Variants in KLRD1 observed in about 807,000 individuals in gnomAD.
KLRD1 encodes killer cell lectin like receptor D1.
KLRD1 carries 21 observed loss-of-function variants against 22.6 expected under a neutral mutation model. That is an observed-to-expected ratio of 0.93 (90% CI 0.66 to 1.34). KLRD1 has a LOEUF of 1.34. Ranked by LOEUF, KLRD1 falls within the 40% of genes most tolerant of loss-of-function variation. KLRD1 has a pLI of 0.00. For synonymous variants in KLRD1, 59 were observed against 71.1 expected (o/e 0.83, Z 0.85); for missense variants, 183 against 208.6 (o/e 0.88, Z 0.76).
intron 1 of KLRD1, among the ~76,000 whole-genome samples, chr12:10,281,991 G>C (rs1949648591): frequency 6.6e-6 from 1 of 152,096 alleles, no homozygotes; most frequent in Non-Finnish European, 1.5e-5. Context: ...TACAAATGTA[G>C]CCTTCTAATC....
chr12:10,272,328 C>T (rs1949558246), intron 1 of KLRD1, among the ~76,000 whole-genome samples: 1 of 152,108 alleles, frequency 6.6e-6, no homozygotes, highest in Admixed American at 6.5e-5. Flanking sequence ...TAATATTAAA[C>T]CTAGTGCAAC....
chr12:10,299,647 A>G (rs1949850863), upstream of KLRD1, among the ~76,000 whole-genome samples: 1 of 152,098 alleles, frequency 6.6e-6, no homozygotes, highest in Non-Finnish European at 1.5e-5. Flanking sequence ...CTTAATGTTG[A>G]TGGCTGTTGA....
rs1039696881 is a variant in KLRD1, at chr12:10,315,558, G to A, written c.*765G>A. The A allele has an allele frequency of 6.5e-6, 1 of 154,374 alleles. No homozygotes were observed. Among genetic ancestry groups the A allele is most frequent in the African/African-American group, 2.4e-5 (1 of 41,394 alleles). 9.6% of individuals were successfully genotyped at this position (154,374 alleles called of 1,614,324 possible). A position where few individuals can be genotyped will look rare whatever the true frequency, so the allele number is the denominator to read the frequency against. On this transcript the variant is annotated 3_prime_UTR_variant, in exon 6 of 6. Coordinates refer to ENST00000336164, the MANE Select transcript of KLRD1 (RefSeq NM_002262.5). ...AGAGAGCTTATGCATTGCACTTTCT[G>A]GAGATTTGTAATGTTTTGGTTTTGT...
chr12:10,272,406 A>G (rs926252714), intron 1 of KLRD1, among the ~76,000 whole-genome samples: 53 of 152,286 alleles, frequency 3.5e-4, no homozygotes, highest in African/African-American at 1.3e-3. Context: ...AAAATCCTGA[A>G]CTCATTTATA....
rs1451973310 is a variant in KLRD1 at position 10,313,615 on chromosome 12, T to C, written c.419+102T>C. 3.3e-5 allele frequency: 20 copies of C among 597,836 alleles called. No individual in the cohort carries two copies. The Admixed American group carries it at 5.1e-4, about 15-fold the overall frequency. 37.0% of individuals were successfully genotyped at this position (597,836 alleles called of 1,614,324 possible). A position where few individuals can be genotyped will look rare whatever the true frequency, so the allele number is the denominator to read the frequency against. On this transcript the variant is annotated intron_variant, in intron 5 of 5. Coordinates refer to ENST00000336164, the MANE Select transcript of KLRD1 (RefSeq NM_002262.5). The stretch of plus-strand genomic sequence containing the variant: ...AGGAGCACTGTGGCTGAAATAACCT[T>C]GTCTAGGGCATGAGAATACAGTAAA...
intron 1 of KLRD1, among the ~76,000 whole-genome samples, chr12:10,280,413 C>T (rs1457772553): frequency 6.6e-6 from 1 of 152,156 alleles, no homozygotes. Context: ...GGAAAATATA[C>T]AGCAGAATAC....
intron 1 of KLRD1, among the ~76,000 whole-genome samples, chr12:10,292,430 C>T (rs1240987117): frequency 6.6e-6 from 1 of 152,120 alleles, no homozygotes; most frequent in Non-Finnish European, 1.5e-5. Context: ...CACGGACTGC[C>T]GAATGGATAT....
intron 1 of KLRD1, among the ~76,000 whole-genome samples, chr12:10,256,507 T>C (rs1341665637): frequency 1.3e-5 from 2 of 151,054 alleles, no homozygotes; most frequent in African/African-American, 4.9e-5. Context: ...TGTGTTAACT[T>C]AAAGATTATT....
At chr12:10,260,112 T>C (rs1308304697) in intron 1 of KLRD1, among the ~76,000 whole-genome samples, 1 of 16,328 alleles carries the variant, frequency 6.1e-5, no homozygotes, top group African/African-American at 6.7e-5. Context: ...CATTCCCATC[T>C]GTATAACTAA....
intron 1 of KLRD1, among the ~76,000 whole-genome samples, chr12:10,241,210 T>C (rs958316721): frequency 1.3e-5 from 2 of 152,206 alleles, no homozygotes; most frequent in African/African-American, 4.8e-5. Context: ...ATTCATTTAT[T>C]GGCTGAAGTA....
intron 1 of KLRD1, among the ~76,000 whole-genome samples, chr12:10,289,841 C>T (rs1237432019): frequency 6.6e-6 from 1 of 152,098 alleles, no homozygotes; most frequent in Non-Finnish European, 1.5e-5. Flanking sequence ...TGCAGTGGTG[C>T]AGTCTTGGCT....
At position 10,308,102 on chromosome 12, in the gene KLRD1, C is replaced by T. The variant is rs1225885725; in HGVS notation, c.7+18C>T. The T allele has an allele frequency of 1.2e-6, 2 of 1,608,954 alleles. No individual in the cohort carries two copies. Among genetic ancestry groups the T allele is most frequent in the Middle Eastern group, 1.6e-4 (1 of 6,068 alleles). On this transcript the variant is annotated intron_variant, in intron 1 of 5. Coordinates refer to ENST00000336164, the MANE Select transcript of KLRD1 (RefSeq NM_002262.5). ...CATGGCAGGTATGTGTGATTTCAGTCACTAAATTAAAAATAACCAGAAAAG... is the reference window on the plus strand; with the variant it reads ...CATGGCAGGTATGTGTGATTTCAGTTACTAAATTAAAAATAACCAGAAAAG...
rs115949421 is a variant in KLRD1 at position 10,315,414 on chromosome 12, C to G, written c.*621C>G. Reference sequence around the variant, plus strand: ...GTGCTGGGATTATAGGTGTGAACCACCATCCCTGGCCCTCTTCACATTCTT... The same window carrying G: ...GTGCTGGGATTATAGGTGTGAACCAGCATCCCTGGCCCTCTTCACATTCTT... On this transcript the variant is annotated 3_prime_UTR_variant, in exon 6 of 6. Coordinates refer to ENST00000336164, the MANE Select transcript of KLRD1 (RefSeq NM_002262.5). 1,609 of 251,040 alleles carry G rather than the reference C, an allele frequency of 6.4e-3. 29 individuals are homozygous for G. Among genetic ancestry groups the G allele is most frequent in the African/African-American group, 0.036 (1,546 of 42,872 alleles). 15.6% of individuals were successfully genotyped at this position (251,040 alleles called of 1,614,324 possible).
intron 1 of KLRD1, among the ~76,000 whole-genome samples, chr12:10,260,109 ATCTG>A (rs1949438098): frequency 6.1e-5 from 1 of 16,312 alleles, no homozygotes; most frequent in Admixed American, 2.7e-3. Context: ...TATCATTCCC[ATCTG>A]TATAACTAAA....
chr12:10,285,764 T>G (rs1949695789), intron 1 of KLRD1, among the ~76,000 whole-genome samples: 2 of 152,220 alleles, frequency 1.3e-5, no homozygotes, highest in African/African-American at 4.8e-5. Flanking sequence ...TATTTTTTCT[T>G]TGTGATTGAC....
intron 1 of KLRD1, among the ~76,000 whole-genome samples, chr12:10,259,151 C>T (rs752676751): frequency 6.6e-6 from 1 of 152,178 alleles, no homozygotes; most frequent in Non-Finnish European, 1.5e-5. Flanking sequence ...CCACTAAAGA[C>T]ACAGTAGATA....
chr12:10,258,810 C>T (rs1949422750), intron 1 of KLRD1, among the ~76,000 whole-genome samples: 1 of 152,024 alleles, frequency 6.6e-6, no homozygotes. Context: ...CTTCTTCACA[C>T]AAATGCATAT....
chr12:10,301,398 G>T (rs1410342783), upstream of KLRD1, among the ~76,000 whole-genome samples: 1 of 152,152 alleles, frequency 6.6e-6, no homozygotes, highest in Non-Finnish European at 1.5e-5. Context: ...ATAGAATGCA[G>T]TTACCACATT....
intron 5 of KLRD1, among the ~76,000 whole-genome samples, chr12:10,314,468 A>G (rs11611333): frequency 0.41 from 61,832 of 151,942 alleles, 12,699 homozygotes; most frequent in East Asian, 0.5. Flanking sequence ...CCTGGCCTCA[A>G]TGCTATTGAT....
Sources: allele counts gnomAD v4.1 joint callset (sites outside exome capture counted in the v4.1 genomes callset), GRCh38; gene constraint gnomAD v4.1.1; transcripts MANE v1.5; gene names NCBI Gene and HGNC (gene_info 2026-07-23, HGNC 2026-07-21).